SAP30BP: variants seen among roughly 807,000 people sequenced by gnomAD.
SAP30BP encodes SAP30-binding protein.
SAP30BP carries 31 observed loss-of-function variants against 46.3 expected under a neutral mutation model. The observed-to-expected ratio is 0.67, with a 90% CI of 0.50 to 0.90. SAP30BP has a LOEUF of 0.90. Among genes scored for constraint, SAP30BP ranks in the 40% least tolerant of loss-of-function variants. The pLI is 0.00. For missense variants in SAP30BP, 312 were observed against 391.0 expected, an observed-to-expected ratio of 0.80 and a Z score of 1.70; for synonymous variants, 169 against 144.2, an observed-to-expected ratio of 1.17 and a Z score of -1.23.
intron 3 of SAP30BP, among the ~76,000 whole-genome samples, chr17:75,681,973 A>G (rs1218125843): frequency 2.0e-5 from 3 of 151,750 alleles, no homozygotes; most frequent in Admixed American, 6.6e-5. Flanking sequence ...GAGCCCTGAC[A>G]ACTGAGAATT....
intron 2 of SAP30BP, 82 bp downstream of exon 2, chr17:75,668,707 T>G (rs535233164): frequency 2.2e-5 from 20 of 899,914 alleles, no homozygotes; most frequent in Non-Finnish European, 3.5e-5. Flanking sequence ...CAGTGTTCCA[T>G]TTCATGGTTA....
At chr17:75,675,086 C>T (rs2059970585) in intron 3 of SAP30BP, among the ~76,000 whole-genome samples, 1 of 152,108 alleles carries the variant, frequency 6.6e-6, no homozygotes, top group South Asian at 2.1e-4. Flanking sequence ...AATTAGATTA[C>T]TGTCATAATT....
At position 75,706,028 on chromosome 17, in the gene SAP30BP, C is replaced by CA; in HGVS notation, c.687dup (p.Gly230ArgfsTer82). The CA allele has an allele frequency of 6.2e-7, 1 of 1,613,576 alleles. No individual in the cohort carries two copies. Among genetic ancestry groups the CA allele is most frequent in the Non-Finnish European group, 8.5e-7 (1 of 1,179,940 alleles). On this transcript the variant is annotated frameshift_variant, in exon 10 of 11. Transcript: ENST00000584667. LOFTEE classifies it high-confidence loss of function. The surrounding 1 kb of genome is among the most constrained non-coding windows in gnomAD (Gnocchi z 4.6). ...TCCAGATTGAGTTTGTGACGGGCAC[C>CA]AAAAAAGGCACCACGACCAACGCCA...
intron 3 of SAP30BP, among the ~76,000 whole-genome samples, chr17:75,674,690 GTTTTTTGTTTTTTTTT>G (rs1266941496): frequency 1.0e-4 from 4 of 39,578 alleles, no homozygotes; most frequent in African/African-American, 2.6e-4. Flanking sequence ...TTTTTTGTTT[GTTTTTTGTTTTTTTTT>G]TTTTTTTTTT....
chr17:75,691,714 T>A (rs1247454841), intron 3 of SAP30BP: 2 of 339,498 alleles, frequency 5.9e-6, no homozygotes, highest in Non-Finnish European at 1.2e-5. Context: ...GAGGGAGAGT[T>A]AACGAATGGT....
At chr17:75,696,833 A>G (rs1309557048) in intron 4 of SAP30BP, among the ~76,000 whole-genome samples, 1 of 138,488 alleles carries the variant, frequency 7.2e-6, no homozygotes, top group Non-Finnish European at 1.5e-5. Context: ...GCTGGAGTGC[A>G]GTGGTGCAAT....
At chr17:75,674,929 C>T (rs1430752115) in intron 3 of SAP30BP, among the ~76,000 whole-genome samples, 2 of 151,806 alleles carry the variant, frequency 1.3e-5, no homozygotes, top group South Asian at 4.2e-4. Context: ...TCTTGAACTC[C>T]TGGGCTCAAG....
At chr17:75,705,721 T>G (rs1460890240) in intron 9 of SAP30BP, 1 of 1,199,756 alleles carries the variant, frequency 8.3e-7, no homozygotes, top group Non-Finnish European at 1.1e-6. Context: ...GGCCAAACGG[T>G]TCTGGGCATG....
chr17:75,699,516 A>C (rs531279867), intron 4 of SAP30BP, among the ~76,000 whole-genome samples: 8 of 152,220 alleles, frequency 5.3e-5, no homozygotes, highest in Admixed American at 3.3e-4. Flanking sequence ...AAAAAAAAAA[A>C]AAAAAACGGA....
At chr17:75,674,187 G>A (rs2059948599) in intron 3 of SAP30BP, among the ~76,000 whole-genome samples, 1 of 152,004 alleles carries the variant, frequency 6.6e-6, no homozygotes, top group Non-Finnish European at 1.5e-5. Context: ...TCTTAGTCCT[G>A]GCCCTGTCAT....
intron 3 of SAP30BP, among the ~76,000 whole-genome samples, chr17:75,689,724 G>A (rs926763490): frequency 1.3e-5 from 2 of 152,180 alleles, no homozygotes; most frequent in East Asian, 3.8e-4. Context: ...ATTTCAAAAC[G>A]CTGCTGGCGG....
At chr17:75,705,156 T>C in intron 9 of SAP30BP, 1 of 306,854 alleles carries the variant, frequency 3.3e-6, no homozygotes, top group Non-Finnish European at 6.4e-6. Flanking sequence ...CAGGCCCAGC[T>C]TGCGCTGCTC....
chr17:75,703,160 A>G, intron 6 of SAP30BP, 151 bp from the exon 7 acceptor site: 1 of 675,496 alleles, frequency 1.5e-6, no homozygotes, highest in Non-Finnish European at 2.6e-6. Flanking sequence ...TCTCCCTGGG[A>G]GAGTGGAGGG....
chr17:75,685,072 A>G (rs1248827963), intron 3 of SAP30BP, among the ~76,000 whole-genome samples: 1 of 152,176 alleles, frequency 6.6e-6, no homozygotes, highest in Non-Finnish European at 1.5e-5. Context: ...TGAGACTCCC[A>G]GAAGCCCCAC....
intron 3 of SAP30BP, among the ~76,000 whole-genome samples, chr17:75,682,236 G>C (rs1205887533): frequency 6.6e-6 from 1 of 151,332 alleles, no homozygotes; most frequent in Non-Finnish European, 1.5e-5. Flanking sequence ...CCAGGCTGGA[G>C]TGCAGTGGCG....
At position 75,693,482 on chromosome 17, in the gene SAP30BP, G is replaced by C; in HGVS notation, c.307G>C (p.Ala103Pro). 1 of 1,613,924 alleles carries C rather than the reference G, an allele frequency of 6.2e-7. No homozygotes were observed. The highest frequency in any genetic ancestry group is 8.5e-7 in the Non-Finnish European group (1 of 1,179,846). ...AEKRDPQELV[A>P]SFSERVRNMS... ...AAAGCGAGACCCCCAGGAACTCGTGGGTGAGTATTGGGGGATCCTGGGGGC... is the reference window on the plus strand; with the variant it reads ...AAAGCGAGACCCCCAGGAACTCGTGCGTGAGTATTGGGGGATCCTGGGGGC... The change falls in exon 4 of 11, where the codon GCC becomes CCC. Residue 103 changes from alanine (A) to proline (P), a missense_variant and splice_region_variant. Transcript: ENST00000584667.
chr17:75,684,236 AAAT>A (rs1299630731), intron 3 of SAP30BP, among the ~76,000 whole-genome samples: 6 of 152,218 alleles, frequency 3.9e-5, no homozygotes, highest in Admixed American at 6.5e-5. Flanking sequence ...TGCAAAATGG[AAAT>A]AATAATGTCT....
chr17:75,691,732 T>A lies in SAP30BP; in HGVS notation c.265-1708T>A, dbSNP rs541234998. On this transcript the variant is annotated intron_variant, in intron 3 of 10. Transcript: ENST00000584667. ...GGAGAGTTAACGAATGGTCAGTCCC[T>A]GTATGATCAGCCAGCTGGCGGGTGA... 1.5e-4 allele frequency: 44 copies of A among 288,670 alleles called. No individual in the cohort carries two copies. The Admixed American group carries it at 1.6e-3, about 10-fold the overall frequency. The allele number at this position is 288,670 out of a possible 1,614,324, so 17.9% of individuals were successfully genotyped here. A position where few individuals can be genotyped will look rare whatever the true frequency, so the allele number is the denominator to read the frequency against.
intron 3 of SAP30BP, among the ~76,000 whole-genome samples, chr17:75,686,189 G>C (rs184350293): frequency 6.6e-5 from 10 of 152,254 alleles, no homozygotes; most frequent in Non-Finnish European, 1.3e-4. Context: ...AATAAGTCTT[G>C]GCAAACTCCT....
Sources: gnomAD v4.1 joint callset for allele counts (sites outside exome capture counted in the v4.1 genomes callset) on GRCh38, gnomAD v4.1.1 for gene constraint, Gnocchi (gnomAD v3.1) non-coding constraint, MANE v1.5 for transcripts, NCBI Gene and HGNC (gene_info 2026-07-23, HGNC 2026-07-21) for gene names.